BCAS3: variants seen among roughly 807,000 people sequenced by gnomAD.
BCAS3 encodes BCAS4/BCAS3 fusion.
In BCAS3, 53 loss-of-function variants were observed where a neutral mutation model predicts 116.1. The observed-to-expected ratio is 0.46, with a 90% confidence interval of 0.37 to 0.57. The LOEUF is 0.57. Among genes scored for constraint, BCAS3 ranks in the 20% least tolerant of loss-of-function variants. BCAS3 has a pLI of 0.00. For missense variants in BCAS3, 917 were observed against 1,165.4 expected, an observed-to-expected ratio of 0.79 and a Z score of 3.10; for synonymous variants, 391 against 408.2, an observed-to-expected ratio of 0.96 and a Z score of 0.51.
chr17:60,818,952 A>C (rs1197317630), intron 7 of BCAS3, among the ~76,000 whole-genome samples: 1 of 152,182 alleles, frequency 6.6e-6, no homozygotes, highest in African/African-American at 2.4e-5. Context: ...GTATTAACTT[A>C]GAACCACGAA....
chr17:60,963,128 T>C lies in BCAS3; in HGVS notation c.1221+15776T>C, dbSNP rs182019360. ...TTTTTATGCCGGCACCATGCTGTTT[T>C]GGTTATTATATACCTGTAGTAAATT... On this transcript the variant is annotated intron_variant, in intron 14 of 23. Transcript: ENST00000407086. Among the ~76,000 whole-genome samples, 109 of 152,340 alleles carry C rather than the reference T, an allele frequency of 7.2e-4. 1 individual carries two copies. Among genetic ancestry groups the C allele is most frequent in the Non-Finnish European group, 1.0e-4 (7 of 68,032 alleles).
intron 8 of BCAS3, among the ~76,000 whole-genome samples, chr17:60,872,928 G>C (rs1225944440): frequency 6.6e-6 from 1 of 151,874 alleles, no homozygotes; most frequent in Admixed American, 6.6e-5. Flanking sequence ...TTCATTATTT[G>C]ATATTTTCTG....
chr17:61,016,052 T>C, intron 16 of BCAS3, 151 bp downstream of exon 16: 1 of 828,904 alleles, frequency 1.2e-6, no homozygotes, highest in Non-Finnish European at 1.9e-6. Flanking sequence ...GTACAAAGCA[T>C]AGAACTTGCA....
At chr17:60,692,402 C>A (rs7214512) in intron 4 of BCAS3, among the ~76,000 whole-genome samples, 7,071 of 152,066 alleles carry the variant, frequency 0.046, 585 homozygotes, top group African/African-American at 0.16. Flanking sequence ...CCACCATGCC[C>A]GACTAATTTT....
In BCAS3 at chr17:61,203,759, A is replaced by G. The variant is rs1199683493; in HGVS notation, c.2425+119195A>G. ...AACTTTCAGCCTTGTCCCCGAGACC[A>G]AAAGCTCAATCAGTGTCACTCTGCA... On this transcript the variant is annotated intron_variant, in intron 22 of 23. Transcript: ENST00000407086. The surrounding 1 kb of genome is among the most constrained non-coding windows in gnomAD (Gnocchi z 5.7). Among the ~76,000 whole-genome samples, 1 of 152,126 alleles carries G rather than the reference A, an allele frequency of 6.6e-6. No individual in the cohort carries two copies. The highest frequency in any genetic ancestry group is 1.5e-5 in the Non-Finnish European group (1 of 68,018).
Position 61,385,637 on chromosome 17 carries a change from G to A in BCAS3, c.2594-6340G>A, listed in dbSNP as rs182883618. The stretch of plus-strand genomic sequence containing the variant: ...TCTCAAAGCCAGGCACTGGGCAAGC[G>A]CGGGCAGCTCGGCTGGCTGCTGTGT... On this transcript the variant is annotated intron_variant, in intron 23 of 23. Coordinates refer to ENST00000407086, the MANE Select transcript of BCAS3 (RefSeq NM_017679.5). Among the ~76,000 whole-genome samples, 24 of 152,322 alleles carry A rather than the reference G, an allele frequency of 1.6e-4. No individual in the cohort carries two copies. The East Asian group carries it at 3.7e-3, about 23-fold the overall frequency.
intron 22 of BCAS3, among the ~76,000 whole-genome samples, chr17:61,263,695 A>T (rs2049421274): frequency 6.6e-6 from 1 of 152,220 alleles, no homozygotes; most frequent in South Asian, 2.1e-4. Flanking sequence ...ACTTTTATTT[A>T]AAATCTCAAT....
chr17:60,995,698 T>G lies in BCAS3; in HGVS notation c.1486+5463T>G, dbSNP rs1322118240. Among the ~76,000 whole-genome samples, 4 of 152,214 alleles carry G rather than the reference T, an allele frequency of 2.6e-5. No homozygotes were observed. The highest frequency in any genetic ancestry group is 2.0e-4 in the Admixed American group (3 of 15,286). On this transcript the variant is annotated intron_variant, in intron 15 of 23. Transcript: ENST00000407086. This position sits in a 1 kb window ranked among gnomAD's most constrained non-coding sequence, Gnocchi z 4.7. ...AATTACTTGTTAGAATGAAGAGCTT[T>G]TTATTCATAGTAACAACTTAAAAAA...
chr17:61,376,138 AGT>A lies in BCAS3; in HGVS notation c.2593+7647_2593+7648del, dbSNP rs1317812899. 8.5e-5 allele frequency among the ~76,000 whole-genome samples: 13 copies of A among 152,198 alleles called. No individual in the cohort carries two copies. The highest frequency in any genetic ancestry group is 7.9e-4 in the Admixed American group (12 of 15,282). ...CAAGGCCATGGAAATAGGAACTGAC[AGT>A]GTTGCCCCAGAAAGCTGGAGAAGTG... On this transcript the variant is annotated intron_variant, in intron 23 of 23. Coordinates refer to ENST00000407086, the MANE Select transcript of BCAS3 (RefSeq NM_017679.5). The surrounding 1 kb of genome is among the most constrained non-coding windows in gnomAD (Gnocchi z 4.5).
chr17:61,063,476 G>C lies in BCAS3; in HGVS notation c.2030-11444G>C, dbSNP rs897265756. On this transcript the variant is annotated intron_variant, in intron 19 of 23. Coordinates refer to ENST00000407086, the MANE Select transcript of BCAS3 (RefSeq NM_017679.5). This position sits in a 1 kb window ranked among gnomAD's most constrained non-coding sequence, Gnocchi z 5.3. Reference sequence around the variant, plus strand: ...GTAGAGACGGAGTTTCACCATGTTAGCCAGGATGGTCTCGATCTCTTGATC... The same window carrying C: ...GTAGAGACGGAGTTTCACCATGTTACCCAGGATGGTCTCGATCTCTTGATC... Among the ~76,000 whole-genome samples, 2 of 152,034 alleles carry C rather than the reference G, an allele frequency of 1.3e-5. No individual in the cohort carries two copies. The highest frequency in any genetic ancestry group is 4.8e-5 in the African/African-American group (2 of 41,392).
intron 15 of BCAS3, among the ~76,000 whole-genome samples, chr17:61,005,630 A>G (rs1600399934): frequency 6.6e-6 from 1 of 152,012 alleles, no homozygotes; most frequent in East Asian, 1.9e-4. Context: ...AGTCATGGGT[A>G]AAAAGAAGGA....
chr17:61,019,198 T>C lies in BCAS3; in HGVS notation c.1637+3297T>C, dbSNP rs1315174238. Reference sequence around the variant, plus strand: ...CGCCTGAGCTCTGCCTCCTGTCAGATCAGCATCGGCATTAGATTCTCGTTA... The same window carrying C: ...CGCCTGAGCTCTGCCTCCTGTCAGACCAGCATCGGCATTAGATTCTCGTTA... On this transcript the variant is annotated intron_variant, in intron 16 of 23. Transcript: ENST00000407086. This position sits in a 1 kb window ranked among gnomAD's most constrained non-coding sequence, Gnocchi z 5.6. Among the ~76,000 whole-genome samples the C allele has an allele frequency of 6.6e-6, 1 of 152,192 alleles. No individual in the cohort carries two copies. Among genetic ancestry groups the C allele is most frequent in the Non-Finnish European group, 1.5e-5 (1 of 68,018 alleles).
At chr17:60,800,470 A>G (rs773568558) in intron 6 of BCAS3, among the ~76,000 whole-genome samples, 69 of 152,232 alleles carry the variant, frequency 4.5e-4, no homozygotes, top group Admixed American at 1.6e-3. Context: ...TTGTGAGATT[A>G]TATATTTGAG....
rs1600263539 is a variant in BCAS3, at chr17:60,989,955, C to T, written c.1222-16C>T. The T allele has an allele frequency of 6.2e-7, 1 of 1,605,648 alleles. No individual in the cohort carries two copies. ...AGTTTGAGACATTTTTGTATCTTTT[C>T]TTATCTCATTTCTAGGTACAGGACA... On this transcript the variant is annotated splice_polypyrimidine_tract_variant and intron_variant, in intron 14 of 23. Transcript: ENST00000407086.
At chr17:61,100,062 T>G (rs2074227671) in intron 22 of BCAS3, among the ~76,000 whole-genome samples, 1 of 152,210 alleles carries the variant, frequency 6.6e-6, no homozygotes, top group East Asian at 1.9e-4. Flanking sequence ...ACTTTGGTGT[T>G]CTACAATATT....
chr17:60,860,544 T>C (rs2054067089), intron 7 of BCAS3, among the ~76,000 whole-genome samples: 1 of 152,240 alleles, frequency 6.6e-6, no homozygotes, highest in Non-Finnish European at 1.5e-5. Context: ...CCTTATAAAA[T>C]CTTTGCCAGG....
intron 14 of BCAS3, among the ~76,000 whole-genome samples, chr17:60,976,020 C>CTTTTTTTTTCTTTTTT (rs2062328600): frequency 3.1e-5 from 3 of 98,282 alleles, no homozygotes; most frequent in Non-Finnish European, 5.3e-5. Context: ...TAGATTTTTG[C>CTTTTTTTTTCTTTTTT]TTTTTTTTTT....
At position 61,145,474 on chromosome 17, in the gene BCAS3, G is replaced by A. The variant is rs1372941962; in HGVS notation, c.2425+60910G>A. 2.6e-5 allele frequency among the ~76,000 whole-genome samples: 4 copies of A among 152,190 alleles called. No individual in the cohort carries two copies. The East Asian group carries it at 7.7e-4, about 29-fold the overall frequency. ...GGGAGGACCATTGGGAGAATGTTCTGAGGAGAAGAGAGGCTCTCTTCACAC... is the reference window on the plus strand; with the variant it reads ...GGGAGGACCATTGGGAGAATGTTCTAAGGAGAAGAGAGGCTCTCTTCACAC... On this transcript the variant is annotated intron_variant, in intron 22 of 23. Coordinates refer to ENST00000407086, the MANE Select transcript of BCAS3 (RefSeq NM_017679.5). This position sits in a 1 kb window ranked among gnomAD's most constrained non-coding sequence, Gnocchi z 5.0.
chr17:61,304,309 T>A (rs2053667845), intron 22 of BCAS3, among the ~76,000 whole-genome samples: 1 of 152,254 alleles, frequency 6.6e-6, no homozygotes, highest in South Asian at 2.1e-4. Context: ...TTGCCCACAG[T>A]AAGAAACTCA....
Sources: gnomAD v4.1 joint callset for allele counts (sites outside exome capture counted in the v4.1 genomes callset) on GRCh38, gnomAD v4.1.1 for gene constraint, Gnocchi (gnomAD v3.1) non-coding constraint, MANE v1.5 for transcripts, NCBI Gene and HGNC (gene_info 2026-07-23, HGNC 2026-07-21) for gene names.